Variants in VEPH1 observed in about 807,000 individuals in gnomAD.
VEPH1 encodes ventricular zone expressed PH domain containing 1, also known as ventricular zone-expressed PH domain-containing protein homolog 1.
In VEPH1, 80 loss-of-function variants were observed where a neutral mutation model predicts 85.2. That is an observed-to-expected ratio of 0.94 (90% CI 0.78 to 1.13). The LOEUF is 1.13. Among genes scored for constraint, VEPH1 ranks in the 50% most tolerant of loss-of-function variants. The probability of loss-of-function intolerance (pLI) is 0.00; values close to 1 mark genes in which losing one functional copy is unlikely to be tolerated. For synonymous variants in VEPH1, 297 were observed against 348.0 expected, an observed-to-expected ratio of 0.85 and a Z score of 1.63; for missense variants, 955 against 980.5, an observed-to-expected ratio of 0.97 and a Z score of 0.35.
At chr3:157,344,782 A>AGT (rs1559977182) in intron 9 of VEPH1, among the ~76,000 whole-genome samples, 1 of 152,192 alleles carries the variant, frequency 6.6e-6, no homozygotes, top group Non-Finnish European at 1.5e-5. Flanking sequence ...ACAATACTAC[A>AGT]CGGCTACAAT....
At chr3:157,399,093 A>G (rs1560032368) in intron 6 of VEPH1, among the ~76,000 whole-genome samples, 1 of 152,250 alleles carries the variant, frequency 6.6e-6, no homozygotes, top group Non-Finnish European at 1.5e-5. Context: ...AGTATCAAAA[A>G]TCTTAAACAT....
intron 4 of VEPH1, chr3:157,459,978 G>A (rs1199395765): frequency 2.0e-6 from 3 of 1,538,042 alleles, no homozygotes; most frequent in African/African-American, 1.4e-5. Flanking sequence ...ATGAGTCTAA[G>A]TAATTCATCT....
intron 12 of VEPH1, among the ~76,000 whole-genome samples, chr3:157,279,686 A>G (rs752920486): frequency 2.2e-4 from 34 of 152,180 alleles, no homozygotes; most frequent in Non-Finnish European, 4.7e-4. Context: ...AAATATGACC[A>G]TCCTTTGATG....
chr3:157,363,226 A>T, intron 9 of VEPH1, 138 bp downstream of exon 9: 1 of 796,850 alleles, frequency 1.3e-6, no homozygotes, highest in Non-Finnish European at 1.9e-6. Flanking sequence ...AAACTAACAT[A>T]ATGTAAGGTA....
chr3:157,473,308 G>A (rs750719468), intron 2 of VEPH1, among the ~76,000 whole-genome samples: 9 of 151,926 alleles, frequency 5.9e-5, no homozygotes, highest in African/African-American at 1.2e-4. Context: ...CCCTGACCTC[G>A]TGATCTGCCT....
rs537378476 is a variant in VEPH1, at chr3:157,354,130, G to A, written c.1735+9234C>T. Among the ~76,000 whole-genome samples, 3 of 152,258 alleles carry A rather than the reference G, an allele frequency of 2.0e-5. No individual in the cohort carries two copies. In the East Asian group the frequency reaches 5.8e-4, roughly 29 times the overall value. On this transcript the variant is annotated intron_variant, in intron 9 of 13. Coordinates refer to ENST00000362010, the MANE Select transcript of VEPH1 (RefSeq NM_001167912.2). ...GATTGCACCAATGTGTCGCTGTGGT[G>A]AGGGATGCTGACAGTGGGGGAAGTT...
chr3:157,305,559 T>TA (rs1719423114), intron 11 of VEPH1, among the ~76,000 whole-genome samples: 1 of 152,218 alleles, frequency 6.6e-6, no homozygotes, highest in Admixed American at 6.5e-5. Context: ...TTGTGTTTGT[T>TA]TATCTTAAGT....
intron 4 of VEPH1, chr3:157,437,928 C>A (rs753817379): frequency 1.3e-6 from 2 of 1,527,448 alleles, no homozygotes; most frequent in South Asian, 1.2e-5. Flanking sequence ...AGGAGGCAAG[C>A]GGGGCCGGGA....
chr3:157,396,340 T>C (rs567552347), intron 6 of VEPH1, among the ~76,000 whole-genome samples: 2 of 152,378 alleles, frequency 1.3e-5, no homozygotes, highest in South Asian at 2.1e-4. Flanking sequence ...CAGTCTATCA[T>C]TGATGGGCAT....
intron 5 of VEPH1, among the ~76,000 whole-genome samples, chr3:157,417,232 G>A (rs1436400036): frequency 6.6e-6 from 1 of 152,104 alleles, no homozygotes; most frequent in African/African-American, 2.4e-5. Flanking sequence ...CAAACATAGG[G>A]CATTTCCTTA....
rs559876674 is a variant in VEPH1, at chr3:157,488,020, C to G, written c.138+7192G>C. Among the ~76,000 whole-genome samples, 6 of 152,038 alleles carry G rather than the reference C, an allele frequency of 3.9e-5. No individual in the cohort carries two copies. In the South Asian group the frequency reaches 1.2e-3, roughly 32 times the overall value. ...GTCAATCTAGTTCTGGAGAGCTAGT[C>G]AGGATATGAGACAAAGAAATCAAAT... On this transcript the variant is annotated intron_variant, in intron 2 of 13. Coordinates refer to ENST00000362010, the MANE Select transcript of VEPH1 (RefSeq NM_001167912.2).
At position 157,381,534 on chromosome 3, in the gene VEPH1, A is replaced by G. The variant is rs1432511936; in HGVS notation, c.907-158T>C. 6 of 657,404 alleles carry G rather than the reference A, an allele frequency of 9.1e-6. No homozygotes were observed. In the Admixed American group the frequency reaches 1.6e-4, roughly 18 times the overall value. 40.7% of individuals were successfully genotyped at this position (657,404 alleles called of 1,614,324 possible). A position where few individuals can be genotyped will look rare whatever the true frequency, so the allele number is the denominator to read the frequency against. On this transcript the variant is annotated intron_variant, in intron 6 of 13. Transcript: ENST00000362010. ...GGAGTTTGCAACCAGCCTGGGCAAC[A>G]TGGTAACACCCCATCTCAACTTAAA...
chr3:157,496,763 T>C (rs1395259221), intron 1 of VEPH1, among the ~76,000 whole-genome samples: 1 of 152,206 alleles, frequency 6.6e-6, no homozygotes, highest in African/African-American at 2.4e-5. Context: ...GGCCTCAAAA[T>C]ACAAGCCAAA....
At chr3:157,433,114 T>C (rs930929608) in intron 4 of VEPH1, among the ~76,000 whole-genome samples, 1 of 152,182 alleles carries the variant, frequency 6.6e-6, no homozygotes, top group African/African-American at 2.4e-5. Context: ...TTAATATGTC[T>C]TTTGAGTCTC....
chr3:157,441,963 C>G (rs898039188), intron 4 of VEPH1, among the ~76,000 whole-genome samples: 1 of 151,976 alleles, frequency 6.6e-6, no homozygotes, highest in Non-Finnish European at 1.5e-5. Flanking sequence ...AAGAGAGAAC[C>G]AGGTTGGGTT....
At chr3:157,442,960 G>A (rs746482017) in intron 4 of VEPH1, 1 of 1,611,154 alleles carries the variant, frequency 6.2e-7, no homozygotes, top group Non-Finnish European at 8.5e-7. Context: ...CCACATGGAG[G>A]AGCTCAGTAT....
intron 7 of VEPH1, among the ~76,000 whole-genome samples, chr3:157,376,690 T>TAA (rs1246035916): frequency 6.6e-6 from 1 of 152,046 alleles, no homozygotes; most frequent in Non-Finnish European, 1.5e-5. Flanking sequence ...AAAACTCACT[T>TAA]AATTTATTCA....
At chr3:157,377,604 C>T (rs114835249) in intron 7 of VEPH1, among the ~76,000 whole-genome samples, 1,763 of 151,926 alleles carry the variant, frequency 0.012, 9 homozygotes, top group Non-Finnish European at 0.02. Context: ...ATGCTGTTTT[C>T]GTGATAGTGA....
chr3:157,350,064 C>A (rs937267852), intron 9 of VEPH1, among the ~76,000 whole-genome samples: 1 of 152,136 alleles, frequency 6.6e-6, no homozygotes, highest in Non-Finnish European at 1.5e-5. Flanking sequence ...ATAGCCATAG[C>A]AATTCTGGGC....
Sources: gnomAD v4.1 joint callset for allele counts (sites outside exome capture counted in the v4.1 genomes callset) on GRCh38, gnomAD v4.1.1 for gene constraint, MANE v1.5 for transcripts, NCBI Gene and HGNC (gene_info 2026-07-23, HGNC 2026-07-21) for gene names.